The following MIER3 variants were observed in gnomAD, a reference collection of about 807,000 sequenced individuals.
MIER3 encodes the protein mesoderm induction early response protein 3.
In MIER3, 9 loss-of-function variants were observed where a neutral mutation model predicts 63.2. The ratio of observed to expected loss-of-function variants is 0.14; its 90% CI spans 0.09 to 0.25. The LOEUF (loss-of-function observed/expected upper bound fraction) is 0.25, where lower values mean the gene tolerates loss of function less well. MIER3 is among the 10% of genes least tolerant of loss of function. The pLI, the probability that MIER3 is intolerant of heterozygous loss-of-function variation, is 1.00. For missense variants in MIER3, 512 were observed against 666.2 expected (o/e 0.77, Z 2.55); for synonymous variants, 205 against 224.9 (o/e 0.91, Z 0.79).
chr5:56,947,052 C>T lies in MIER3; in HGVS notation c.54G>A (p.Glu18=). The T allele has an allele frequency of 5.6e-6, 9 of 1,607,774 alleles. No individual in the cohort carries two copies. The highest frequency in any genetic ancestry group is 7.6e-6 in the Non-Finnish European group (9 of 1,178,078). ...CAGCAGTGGGGTCAAAATCATGATC[C>T]TCAGAAGACAAAGACCCAACTGGAA... ...SSSPVGSLSS[E]DHDFDPTAEM... The change falls in exon 3 of 13, where the codon GAG becomes GAA. Residue 18 remains glutamate, a synonymous_variant. Coordinates refer to ENST00000381199, the MANE Select transcript of MIER3 (RefSeq NM_001297599.2).
chr5:56,949,416 C>T (rs1414082925), intron 2 of MIER3, among the ~76,000 whole-genome samples: 1 of 152,138 alleles, frequency 6.6e-6, no homozygotes, highest in African/African-American at 2.4e-5. Context: ...ATTTAGAGTG[C>T]AACTTCTTAA....
chr5:56,937,793 TG>T (rs1750502232), intron 4 of MIER3, 95 bp from the exon 5 acceptor site: 3 of 1,039,884 alleles, frequency 2.9e-6, no homozygotes, highest in Non-Finnish European at 3.9e-6. Flanking sequence ...AAGAAGCAGT[TG>T]GAACCTTATG....
chr5:56,940,691 A>G (rs1459510132), intron 3 of MIER3, among the ~76,000 whole-genome samples: 2 of 152,252 alleles, frequency 1.3e-5, no homozygotes, highest in African/African-American at 4.8e-5. Context: ...GGAGCATGGA[A>G]TCAGCATAAA....
chr5:56,935,888 A>G, intron 5 of MIER3, 137 bp from the exon 6 acceptor site: 1 of 662,890 alleles, frequency 1.5e-6, no homozygotes. Flanking sequence ...TGTTTCTCAC[A>G]ATCGACATTG....
intron 10 of MIER3, chr5:56,927,878 C>T (rs1051106153): frequency 6.6e-6 from 1 of 152,218 alleles, no homozygotes; most frequent in African/African-American, 2.4e-5. Flanking sequence ...ATTCACTTCT[C>T]CCTCCTGCCT....
At chr5:56,924,772 AT>A (rs368809077) in intron 10 of MIER3, among the ~76,000 whole-genome samples, 12 of 152,306 alleles carry the variant, frequency 7.9e-5, no homozygotes, top group African/African-American at 2.9e-4. Flanking sequence ...TATGAACAAA[AT>A]TCTTCATCCT....
At chr5:56,949,726 G>A (rs566649856) in intron 2 of MIER3, among the ~76,000 whole-genome samples, 1 of 152,288 alleles carries the variant, frequency 6.6e-6, no homozygotes, top group South Asian at 2.1e-4. Context: ...AGATTTAGGA[G>A]CTCATCTGTG....
chr5:56,929,108 C>T, intron 9 of MIER3: 1 of 332,714 alleles, frequency 3.0e-6, no homozygotes, highest in Non-Finnish European at 5.4e-6. Context: ...ATAAACACTG[C>T]TTTTTTTCCA....
intron 2 of MIER3, among the ~76,000 whole-genome samples, chr5:56,950,334 TTAAC>T (rs1258006022): frequency 6.6e-6 from 1 of 152,220 alleles, no homozygotes; most frequent in African/African-American, 2.4e-5. Context: ...TAATTTGGGA[TTAAC>T]TGTTTCAGGC....
rs796118176 is a variant in MIER3, at chr5:56,920,624, GA to G, written c.*2503del. 133 of 145,998 alleles carry G rather than the reference GA, an allele frequency of 9.1e-4. 1 individual carries two copies. In the East Asian group the frequency reaches 0.014, roughly 16 times the overall value. The allele number at this position is 145,998 out of a possible 1,614,324, so 9.0% of individuals were successfully genotyped here. A position where few individuals can be genotyped will look rare whatever the true frequency, so the allele number is the denominator to read the frequency against. ...CTCTGTTAAGATGTTTAAACTGAGAGAAAAAAAAAACCCAGTAAATCCAGCT... is the reference window on the plus strand; with the variant it reads ...CTCTGTTAAGATGTTTAAACTGAGAGAAAAAAAAACCCAGTAAATCCAGCT... On this transcript the variant is annotated 3_prime_UTR_variant, in exon 13 of 13. Transcript: ENST00000381199.
At chr5:56,927,296 C>T (rs13175470) in intron 10 of MIER3, among the ~76,000 whole-genome samples, 4,261 of 151,926 alleles carry the variant, frequency 0.028, 93 homozygotes, top group Non-Finnish European at 0.039. Context: ...AACAAATGTA[C>T]CACACTATTA....
In MIER3 at chr5:56,935,444, G is replaced by A. The variant is rs189631707; in HGVS notation, c.579C>T (p.Tyr193=). The A allele has an allele frequency of 5.3e-5, 84 of 1,588,368 alleles. No individual in the cohort carries two copies. In the African/African-American group the frequency reaches 7.5e-4, roughly 14 times the overall value. The part of the protein sequence containing the change: ...QAEIPPYLGE[Y]DGNEKVYENE... ...TTTCCTTACCTTTCTCATTACCATCGTACTCTCCAAGATAAGGGGGAATCT... is the reference window on the plus strand; with the variant it reads ...TTTCCTTACCTTTCTCATTACCATCATACTCTCCAAGATAAGGGGGAATCT... The change falls in exon 7 of 13, where the codon TAC becomes TAT. Residue 193 remains tyrosine (Y), a synonymous_variant. Coordinates refer to ENST00000381199, the MANE Select transcript of MIER3 (RefSeq NM_001297599.2).
intron 5 of MIER3, among the ~76,000 whole-genome samples, 190 bp from the exon 6 acceptor site, chr5:56,935,941 C>A (rs1228491554): frequency 3.9e-5 from 6 of 152,090 alleles, no homozygotes; most frequent in African/African-American, 1.4e-4. Flanking sequence ...TGTATAGTAT[C>A]CTGGCCGGTG....
intron 8 of MIER3, among the ~76,000 whole-genome samples, chr5:56,932,815 A>C (rs758293088): frequency 1.3e-5 from 2 of 152,234 alleles, no homozygotes; most frequent in Non-Finnish European, 2.9e-5. Flanking sequence ...TATAAAATCT[A>C]AAAGTCCAAC....
chr5:56,951,193 C>A (rs556208166), intron 1 of MIER3, among the ~76,000 whole-genome samples: 1 of 152,124 alleles, frequency 6.6e-6, no homozygotes, highest in Non-Finnish European at 1.5e-5. Context: ...AGCGCGAGCC[C>A]CCCATCCTCT....
chr5:56,937,843 CATAA>C (rs1292068387), intron 4 of MIER3, 145 bp from the exon 5 acceptor site: 29 of 363,498 alleles, frequency 8.0e-5, no homozygotes, highest in Non-Finnish European at 4.5e-6. Context: ...ACTTCATGTA[CATAA>C]ATATTTAATA....
chr5:56,922,871 A>G lies in MIER3; in HGVS notation c.*257T>C, dbSNP rs912912707. ...GGGGAAGAGGTATTGGGAGATGAGG[A>G]AGAGAGAAGCAGAGCTTAAAGCTGC... On this transcript the variant is annotated 3_prime_UTR_variant, in exon 13 of 13. Transcript: ENST00000381199. 5 of 453,392 alleles carry G rather than the reference A, an allele frequency of 1.1e-5. No homozygotes were observed. Among genetic ancestry groups the G allele is most frequent in the Admixed American group, 3.5e-5 (1 of 28,414 alleles). The allele number at this position is 453,392 out of a possible 1,614,324, so 28.1% of individuals were successfully genotyped here.
chr5:56,952,027 G>T, intron 1 of MIER3, 67 bp downstream of exon 1: 1 of 1,236,832 alleles, frequency 8.1e-7, no homozygotes, highest in Non-Finnish European at 1.0e-6. Flanking sequence ...AGGCTGGCTC[G>T]GGGGTCGCGG....
Position 56,935,453 on chromosome 5 carries a change from A to T in MIER3, c.570T>A (p.Leu190=), listed in dbSNP as rs1226353598. Residue 190 remains leucine, a synonymous_variant, in exon 7 of 13, where the codon CTT becomes CTA. Transcript: ENST00000381199. ...CTTTCTCATTACCATCGTACTCTCC[A>T]AGATAAGGGGGAATCTCTGCCTGAT... ...LQYQAEIPPY[L]GEYDGNEKVY... is the part of the protein sequence containing the mutation. The T allele has an allele frequency of 6.3e-7, 1 of 1,595,852 alleles. No homozygotes were observed. Among genetic ancestry groups the T allele is most frequent in the South Asian group, 1.2e-5 (1 of 85,816 alleles).
Sources: gnomAD v4.1 joint callset for allele counts (sites outside exome capture counted in the v4.1 genomes callset) on GRCh38, gnomAD v4.1.1 for gene constraint, MANE v1.5 for transcripts, NCBI Gene and HGNC (gene_info 2026-07-23, HGNC 2026-07-21) for gene names.